PRDM11: variants seen among roughly 807,000 people sequenced by gnomAD.
The protein encoded by PRDM11 is PR/SET domain 11, also known as PR domain-containing protein 11.
In PRDM11, 20 loss-of-function variants were observed where a neutral mutation model predicts 97.8. The ratio of observed to expected loss-of-function variants is 0.20; its 90% CI spans 0.14 to 0.30. PRDM11 has a LOEUF of 0.30. Among genes scored for constraint, PRDM11 ranks in the 10% least tolerant of loss-of-function variants. The pLI, the probability that PRDM11 is intolerant of heterozygous loss-of-function variation, is 1.00. For missense variants in PRDM11, 1,139 were observed against 1,555.2 expected (o/e 0.73, Z 4.50); for synonymous variants, 599 against 637.7 (o/e 0.94, Z 0.91).
chr11:45,226,091 C>T lies in PRDM11; in HGVS notation c.1466C>T (p.Ala489Val), dbSNP rs1420576065. The change falls in exon 8 of 8, where the codon GCG becomes GTG. Residue 489 changes from alanine (A) to valine (V), a missense_variant. This residue lies in a region of PRDM11 where 710 missense variants were observed against 1,044.9 expected (regional missense o/e 0.68). Transcript: ENST00000683152. Reference protein sequence around the residue: ...DESVSNDMMTATDEPSKMSSA... With the variant: ...DESVSNDMMTVTDEPSKMSSA... ...TCTGTCTCCAATGATATGATGACAG[C>T]GACGGATGAGCCCTCCAAGATGTCA... is the stretch of plus-strand genomic sequence containing the variant. The T allele has an allele frequency of 1.0e-5, 16 of 1,531,812 alleles. No individual in the cohort carries two copies. Among genetic ancestry groups the T allele is most frequent in the East Asian group, 2.5e-5 (1 of 40,816 alleles). The allele number at this position is 1,531,812 out of a possible 1,614,324, so 94.9% of individuals were successfully genotyped here. A position where few individuals can be genotyped will look rare whatever the true frequency, so the allele number is the denominator to read the frequency against.
intron 1 of PRDM11, among the ~76,000 whole-genome samples, chr11:45,110,557 C>T (rs1411912834): frequency 3.3e-5 from 5 of 152,252 alleles, no homozygotes; most frequent in African/African-American, 9.6e-5. Flanking sequence ...AGGGGCTCTC[C>T]TCTGACCTGG....
At chr11:45,148,801 A>G (rs1851589783) in intron 1 of PRDM11, among the ~76,000 whole-genome samples, 1 of 152,142 alleles carries the variant, frequency 6.6e-6, no homozygotes, top group Non-Finnish European at 1.5e-5. Flanking sequence ...GTTGTTGGCA[A>G]GTATAAAGTA....
intron 4 of PRDM11, among the ~76,000 whole-genome samples, chr11:45,194,462 A>C (rs1441697968): frequency 6.6e-6 from 1 of 152,166 alleles, no homozygotes; most frequent in Non-Finnish European, 1.5e-5. Flanking sequence ...TGGGTCCTCC[A>C]AAGATGCTAG....
At chr11:45,167,803 G>A (rs1006327599) in intron 1 of PRDM11, among the ~76,000 whole-genome samples, 3 of 134,950 alleles carry the variant, frequency 2.2e-5, no homozygotes, top group Admixed American at 7.4e-5. Context: ...ACACACACAC[G>A]CCATACTCGT....
chr11:45,140,086 G>GA (rs1296922278), intron 1 of PRDM11, among the ~76,000 whole-genome samples: 3 of 152,032 alleles, frequency 2.0e-5, no homozygotes, highest in Admixed American at 2.0e-4. Flanking sequence ...TTGCATAAAA[G>GA]AAAAAGGACA....
chr11:45,158,023 C>T (rs1417666445), intron 1 of PRDM11, among the ~76,000 whole-genome samples: 1 of 152,184 alleles, frequency 6.6e-6, no homozygotes, highest in Non-Finnish European at 1.5e-5. Flanking sequence ...TGCATGGATC[C>T]TCTGATGGGC....
At chr11:45,133,280 G>C (rs939695407) in intron 1 of PRDM11, among the ~76,000 whole-genome samples, 1 of 151,970 alleles carries the variant, frequency 6.6e-6, no homozygotes, top group Admixed American at 6.6e-5. Context: ...AATTGTTCTT[G>C]TTAAGGACAT....
At chr11:45,197,574 C>T (rs894116783) in intron 4 of PRDM11, among the ~76,000 whole-genome samples, 9 of 152,006 alleles carry the variant, frequency 5.9e-5, no homozygotes, top group Non-Finnish European at 1.2e-4. Flanking sequence ...TAGTTTGTGG[C>T]GACGGTTTGA....
chr11:45,150,580 G>A (rs968710011), intron 1 of PRDM11, among the ~76,000 whole-genome samples: 1 of 152,226 alleles, frequency 6.6e-6, no homozygotes, highest in Non-Finnish European at 1.5e-5. Context: ...CTGGCAAAAT[G>A]ACTGGCTTGT....
intron 1 of PRDM11, among the ~76,000 whole-genome samples, chr11:45,098,435 G>A (rs1014935664): frequency 3.9e-5 from 6 of 152,170 alleles, no homozygotes; most frequent in Admixed American, 2.0e-4. Context: ...GGACTTAGTC[G>A]GGGAGACTGG....
intron 4 of PRDM11, among the ~76,000 whole-genome samples, chr11:45,187,895 C>T (rs6485599): frequency 0.92 from 140,097 of 151,986 alleles, 65,328 homozygotes; most frequent in Non-Finnish European, 0.98. Context: ...GAAGAACGGC[C>T]CTGCCTGCTC....
chr11:45,224,837 C>T lies in PRDM11; in HGVS notation c.1363C>T (p.Pro455Ser). The change falls in exon 7 of 8, where the codon CCT becomes TCT. Residue 455 changes from proline to serine, a missense_variant. Physicochemically the swap from Pro to Ser is moderately conservative, Grantham distance 74. Transcript: ENST00000683152. ...ACTGGAGCTCCCAGAGTTCTCGGACCCTGCAGGTAAGTTGGTTTGGATGAG... is the reference window on the plus strand; with the variant it reads ...ACTGGAGCTCCCAGAGTTCTCGGACTCTGCAGGTAAGTTGGTTTGGATGAG... ...QVLELPEFSD[P>S]AASESMVSGP... 2.5e-6 allele frequency: 4 copies of T among 1,613,780 alleles called. No individual in the cohort carries two copies. The highest frequency in any genetic ancestry group is 3.4e-6 in the Non-Finnish European group (4 of 1,180,022).
chr11:45,121,206 TATA>T (rs143330597), intron 1 of PRDM11, among the ~76,000 whole-genome samples: 11,869 of 152,132 alleles, frequency 0.078, 612 homozygotes, highest in Admixed American at 0.12. Context: ...GGATAAATAG[TATA>T]ATATGAAATA....
chr11:45,219,479 C>A lies in PRDM11; in HGVS notation c.555-91C>A. ...GGCCCACGTGCCTGTGGACTTCTAACCATCCACACTTGCCCAGCACTGTGC... is the reference window on the plus strand; with the variant it reads ...GGCCCACGTGCCTGTGGACTTCTAAACATCCACACTTGCCCAGCACTGTGC... On this transcript the variant is annotated intron_variant, in intron 5 of 7. Coordinates refer to ENST00000683152, the MANE Select transcript of PRDM11 (RefSeq NM_001384648.1). The surrounding 1 kb of genome is among the most constrained non-coding windows in gnomAD (Gnocchi z 4.2). 1 of 1,284,890 alleles carries A rather than the reference C, an allele frequency of 7.8e-7. No homozygotes were observed. Among genetic ancestry groups the A allele is most frequent in the South Asian group, 1.5e-5 (1 of 68,952 alleles). 79.6% of individuals were successfully genotyped at this position (1,284,890 alleles called of 1,614,324 possible). A position where few individuals can be genotyped will look rare whatever the true frequency, so the allele number is the denominator to read the frequency against.
chr11:45,134,701 G>GAAAAAAAAA (rs1191008824), intron 1 of PRDM11, among the ~76,000 whole-genome samples: 739 of 44,358 alleles, frequency 0.017, 58 homozygotes, highest in Middle Eastern at 0.088. Context: ...CCTGTCTCAC[G>GAAAAAAAAA]AAAAAAAAAA....
intron 3 of PRDM11, 144 bp downstream of exon 3, chr11:45,182,493 T>C (rs549930850): frequency 1.5e-4 from 110 of 749,978 alleles, no homozygotes; most frequent in Non-Finnish European, 2.2e-4. Flanking sequence ...TTCGTCATCA[T>C]CATTAGCCAT....
At chr11:45,146,037 A>C (rs1444286825), upstream of PRDM11, among the ~76,000 whole-genome samples, 4 of 152,114 alleles carry the variant, frequency 2.6e-5, no homozygotes, top group Non-Finnish European at 4.4e-5. Context: ...ACATATTTTG[A>C]CTTGAAGAAC....
chr11:45,187,867 C>T (rs1852765895), intron 4 of PRDM11, among the ~76,000 whole-genome samples: 1 of 151,590 alleles, frequency 6.6e-6, no homozygotes, highest in African/African-American at 2.4e-5. Flanking sequence ...TTGGCCTCCA[C>T]TGGGGAAAAG....
intron 5 of PRDM11, chr11:45,213,818 A>C (rs1421946795): frequency 4.6e-6 from 2 of 434,828 alleles, no homozygotes; most frequent in Admixed American, 2.4e-5. Context: ...CAGGACTGGA[A>C]GCCAGGGTAT....
Sources: allele counts gnomAD v4.1 joint callset (sites outside exome capture counted in the v4.1 genomes callset), GRCh38; gene constraint gnomAD v4.1.1; regional missense constraint gnomAD v4.1.1; non-coding constraint Gnocchi (gnomAD v3.1); transcripts MANE v1.5; gene names NCBI Gene and HGNC (gene_info 2026-07-23, HGNC 2026-07-21).